Variants in RBFOX1 observed in about 807,000 individuals in gnomAD.
RBFOX1 encodes the protein RNA binding protein fox-1 homolog 1.
In RBFOX1, 8 loss-of-function variants were observed where a neutral mutation model predicts 57.7. The observed-to-expected ratio is 0.14, with a 90% CI of 0.08 to 0.25. The LOEUF (loss-of-function observed/expected upper bound fraction) is 0.25, where lower values mean the gene tolerates loss of function less well. Among genes scored for constraint, RBFOX1 ranks in the 10% least tolerant of loss-of-function variants. The pLI is 1.00. For synonymous variants in RBFOX1, 326 were observed against 222.4 expected (o/e 1.47, Z -4.15); for missense variants, 611 against 548.5 (o/e 1.11, Z -1.14).
At chr16:5,811,981 C>A (rs978906793) in intron 3 of RBFOX1, among the ~76,000 whole-genome samples, 3 of 152,170 alleles carry the variant, frequency 2.0e-5, no homozygotes, top group Non-Finnish European at 2.9e-5. Flanking sequence ...AATGACTGAT[C>A]TGATTTCTAT....
chr16:6,680,294 T>TTTTTTTTTTTTTTG (rs60731674), intron 3 of RBFOX1, among the ~76,000 whole-genome samples: 33 of 103,052 alleles, frequency 3.2e-4, no homozygotes, highest in South Asian at 7.0e-4. Flanking sequence ...TTTTTTTTTT[T>TTTTTTTTTTTTTTG]ATTTGTCGCC....
intron 1 of RBFOX1, among the ~76,000 whole-genome samples, chr16:6,268,647 T>C (rs1000365328): frequency 6.6e-6 from 1 of 152,214 alleles, no homozygotes; most frequent in African/African-American, 2.4e-5. Flanking sequence ...AGTTATTATA[T>C]GCCAGGGTTT....
chr16:5,650,225 G>C (rs1010708979), intron 3 of RBFOX1, among the ~76,000 whole-genome samples: 2 of 152,202 alleles, frequency 1.3e-5, no homozygotes, highest in East Asian at 3.9e-4. Context: ...AGAGGCAGCT[G>C]CTTGGGCCAG....
chr16:6,620,851 G>C (rs979034455), intron 2 of RBFOX1, among the ~76,000 whole-genome samples: 3 of 152,164 alleles, frequency 2.0e-5, no homozygotes, highest in Non-Finnish European at 4.4e-5. Flanking sequence ...TGTCACCAAA[G>C]CTCCACACTT....
At chr16:5,512,317 C>A (rs1055099833) in intron 2 of RBFOX1, among the ~76,000 whole-genome samples, 7 of 152,180 alleles carry the variant, frequency 4.6e-5, no homozygotes, top group African/African-American at 1.4e-4. Flanking sequence ...CCAGCCTTCT[C>A]CATAGATTTA....
intron 10 of RBFOX1, among the ~76,000 whole-genome samples, chr16:7,612,890 T>C (rs1378301349): frequency 2.0e-5 from 3 of 152,080 alleles, no homozygotes; most frequent in African/African-American, 7.2e-5. Flanking sequence ...TCAGCGGGAC[T>C]ATAAGGCAGC....
chr16:7,389,883 G>T (rs573766765), intron 4 of RBFOX1, among the ~76,000 whole-genome samples: 1 of 152,258 alleles, frequency 6.6e-6, no homozygotes, highest in South Asian at 2.1e-4. Context: ...CAAATAAGAA[G>T]ATGGGGGTTG....
chr16:7,371,118 T>C (rs1163021442), intron 4 of RBFOX1, among the ~76,000 whole-genome samples: 1 of 152,206 alleles, frequency 6.6e-6, no homozygotes, highest in African/African-American at 2.4e-5. Context: ...TTTTCATAAA[T>C]GCCAAGGCCT....
intron 4 of RBFOX1, among the ~76,000 whole-genome samples, chr16:7,109,450 G>A (rs2064230772): frequency 1.3e-5 from 2 of 152,090 alleles, no homozygotes; most frequent in Admixed American, 6.6e-5. Flanking sequence ...GGAAAGTGAG[G>A]CCCCCAGGTG....
At chr16:7,127,079 T>C (rs1159564812) in intron 4 of RBFOX1, among the ~76,000 whole-genome samples, 1 of 151,960 alleles carries the variant, frequency 6.6e-6, no homozygotes, top group Non-Finnish European at 1.5e-5. Context: ...AGACCCCTTT[T>C]GTTTAAACAG....
At chr16:5,901,595 C>A (rs1366578010) in intron 4 of RBFOX1, among the ~76,000 whole-genome samples, 1 of 152,122 alleles carries the variant, frequency 6.6e-6, no homozygotes, top group African/African-American at 2.4e-5. Context: ...CCATAACAGC[C>A]CCATTTCAAG....
intron 4 of RBFOX1, among the ~76,000 whole-genome samples, chr16:7,250,527 G>C (rs2094465588): frequency 6.6e-6 from 1 of 152,170 alleles, no homozygotes; most frequent in Non-Finnish European, 1.5e-5. Flanking sequence ...GCTTTAGTTA[G>C]TTTTTATCCC....
chr16:6,825,687 G>A (rs1315270064), intron 3 of RBFOX1, among the ~76,000 whole-genome samples: 2 of 152,150 alleles, frequency 1.3e-5, no homozygotes, highest in Non-Finnish European at 2.9e-5. Flanking sequence ...GTAACACAAG[G>A]AAAGAACCTA....
At chr16:6,196,206 A>T (rs2097178851) in intron 1 of RBFOX1, among the ~76,000 whole-genome samples, 1 of 152,164 alleles carries the variant, frequency 6.6e-6, no homozygotes, top group Non-Finnish European at 1.5e-5. Context: ...TAATTCAGCC[A>T]TTTAAGGTAA....
chr16:5,903,054 A>C (rs996111512), intron 4 of RBFOX1, among the ~76,000 whole-genome samples: 6 of 152,106 alleles, frequency 3.9e-5, no homozygotes, highest in Non-Finnish European at 2.9e-5. Context: ...CTTTTCTTGG[A>C]CTTGCCTGAG....
chr16:6,972,240 G>A (rs1051248755), intron 3 of RBFOX1, among the ~76,000 whole-genome samples: 2 of 152,012 alleles, frequency 1.3e-5, no homozygotes, highest in Non-Finnish European at 2.9e-5. Flanking sequence ...TATTAACTCT[G>A]TAACTCCCCT....
chr16:5,286,229 G>A lies in RBFOX1; in HGVS notation c.219+46124G>A, dbSNP rs9931784. On this transcript the variant is annotated intron_variant, in intron 1 of 2. Coordinates refer to the RBFOX1 transcript ENST00000585867. ...TGGGCACTGATGATAGCCTGTCTGCGTGGGCCAATCCCTGGGCCTCCAGGT... is the reference window on the plus strand; with the variant it reads ...TGGGCACTGATGATAGCCTGTCTGCATGGGCCAATCCCTGGGCCTCCAGGT... Among the ~76,000 whole-genome samples the A allele has an allele frequency of 0.018, 2,768 of 152,278 alleles. 114 individuals are homozygous for A. In the East Asian group the frequency reaches 0.19, roughly 10 times the overall value.
intron 1 of RBFOX1, among the ~76,000 whole-genome samples, chr16:5,391,144 C>G (rs2066397169): frequency 6.6e-6 from 1 of 152,176 alleles, no homozygotes; most frequent in Non-Finnish European, 1.5e-5. Context: ...GTTAGGAAAG[C>G]CATTTTGCAT....
intron 3 of RBFOX1, among the ~76,000 whole-genome samples, chr16:5,623,332 T>C (rs939013689): frequency 5.9e-5 from 9 of 152,120 alleles, no homozygotes; most frequent in Non-Finnish European, 4.4e-5. Flanking sequence ...ACCTAGGCAG[T>C]TCCTCAAAAT....
Sources: gnomAD v4.1 joint callset for allele counts (sites outside exome capture counted in the v4.1 genomes callset) on GRCh38, gnomAD v4.1.1 for gene constraint, MANE v1.5 for transcripts, NCBI Gene and HGNC (gene_info 2026-07-23, HGNC 2026-07-21) for gene names.